Variants in JMJD1C observed in about 807,000 individuals in gnomAD.
The protein encoded by JMJD1C is jumonji domain-containing protein 1C.
A neutral mutation model predicts 245.3 loss-of-function variants in JMJD1C; 31 were observed. That is an observed-to-expected ratio of 0.13 (90% CI 0.09 to 0.17). The LOEUF is 0.17. JMJD1C is among the 10% of genes least tolerant of loss of function. The pLI, the probability that JMJD1C is intolerant of heterozygous loss-of-function variation, is 1.00. For missense variants in JMJD1C, 2,691 were observed against 3,000.2 expected (o/e 0.90, Z 2.41); for synonymous variants, 1,057 against 1,017.4 (o/e 1.04, Z -0.74).
chr10:63,505,097 G>C (rs1344179246), intron 1 of JMJD1C, among the ~76,000 whole-genome samples: 1 of 152,096 alleles, frequency 6.6e-6, no homozygotes, highest in Non-Finnish European at 1.5e-5. Context: ...CGGATCACGA[G>C]GTCAGGAGAT....
At chr10:63,178,251 TC>T (rs1843050313) in intron 22 of JMJD1C, among the ~76,000 whole-genome samples, 3 of 152,164 alleles carry the variant, frequency 2.0e-5, no homozygotes, top group African/African-American at 7.2e-5. Flanking sequence ...AGATCAGTAC[TC>T]TTAAAAAAGA....
rs747881850 is a variant in JMJD1C at position 63,465,479 on chromosome 10, G to C, written c.168+16C>G. ...GCGGGCGCGGCAGGGGAAAAGGGGG[G>C]CGCTGACTCTCTTACCGCCAGGTCC... On this transcript the variant is annotated intron_variant, in intron 1 of 25. Transcript: ENST00000399262. The C allele has an allele frequency of 2.2e-5, 35 of 1,586,150 alleles. No individual in the cohort carries two copies. The highest frequency in any genetic ancestry group is 3.0e-5 in the Non-Finnish European group (35 of 1,169,466).
chr10:63,335,445 T>A (rs933999331), intron 2 of JMJD1C, among the ~76,000 whole-genome samples: 2 of 152,224 alleles, frequency 1.3e-5, no homozygotes, highest in Non-Finnish European at 2.9e-5. Context: ...AGAAAATTGA[T>A]TCCAAATATA....
rs200305143 is a variant in JMJD1C, at chr10:63,465,645, C to T, written c.18G>A (p.Arg6=). The stretch of plus-strand genomic sequence containing the variant: ...GGAACCGCTTACCCACCAGCTCTGC[C>T]CGCGTCTCTACCGCCATAGCTGTCG... MAVET[R]AELVGKRFLC... The change falls in exon 1 of 26, where the codon CGG becomes CGA. Residue 6 remains arginine, a synonymous_variant. Coordinates refer to ENST00000399262, the MANE Select transcript of JMJD1C (RefSeq NM_032776.3). 392 of 1,609,432 alleles carry T rather than the reference C, an allele frequency of 2.4e-4. No individual in the cohort carries two copies. The highest frequency in any genetic ancestry group is 4.1e-5 in the Non-Finnish European group (48 of 1,179,882).
chr10:63,333,184 G>A (rs969671376), intron 2 of JMJD1C, among the ~76,000 whole-genome samples: 6 of 152,118 alleles, frequency 3.9e-5, no homozygotes, highest in Non-Finnish European at 8.8e-5. Flanking sequence ...TAAAAGGCAT[G>A]ATACAAAATT....
chr10:63,174,533 C>CTATAA (rs1481791609), intron 24 of JMJD1C, among the ~76,000 whole-genome samples: 3 of 151,514 alleles, frequency 2.0e-5, no homozygotes, highest in Admixed American at 2.0e-4. Context: ...AAGAGGCTGA[C>CTATAA]TATAAAAGTG....
At chr10:63,256,864 G>C (rs1156524656) in intron 3 of JMJD1C, among the ~76,000 whole-genome samples, 2 of 152,184 alleles carry the variant, frequency 1.3e-5, no homozygotes, top group Non-Finnish European at 2.9e-5. Context: ...ATGGAAAAGG[G>C]AGATGCATAT....
chr10:63,300,811 G>A (rs546870923), intron 2 of JMJD1C, among the ~76,000 whole-genome samples: 9 of 151,004 alleles, frequency 6.0e-5, no homozygotes, highest in East Asian at 3.9e-4. Context: ...AGAATCACTC[G>A]AACCCGGGAG....
Position 63,206,600 on chromosome 10 carries a change from C to G in JMJD1C, c.5069G>C (p.Ser1690Thr). ...ERSKLKLQSN[S>T]NTGIPRSVLK... ...AAACAAAGTAACTGACTTACTATTACTGTTGCTTTGCAACTTCAGTTTACT... is the reference window on the plus strand; with the variant it reads ...AAACAAAGTAACTGACTTACTATTAGTGTTGCTTTGCAACTTCAGTTTACT... Residue 1690 changes from serine to threonine, a missense_variant, in exon 10 of 26, where the codon AGT (serine) becomes ACT (threonine). This residue lies in a region of JMJD1C where 144 missense variants were observed against 143.3 expected (regional missense o/e 1.00). Coordinates refer to ENST00000399262, the MANE Select transcript of JMJD1C (RefSeq NM_032776.3). 1 of 1,586,918 alleles carries G rather than the reference C, an allele frequency of 6.3e-7. No homozygotes were observed. The highest frequency in any genetic ancestry group is 8.6e-7 in the Non-Finnish European group (1 of 1,169,524).
chr10:63,214,335 T>A lies in JMJD1C; in HGVS notation c.1832A>T (p.Asp611Val). ...AGGTGGACTTCGCTTATGCAGCTTA[T>A]CTTCCATGACAGAAACTGCACTTAA... The part of the protein sequence containing the change: ...SPLSAVSVME[D>V]KLHKRSPPPE... The change falls in exon 8 of 26, where the codon GAT (aspartate) becomes GTT (valine). Residue 611 changes from aspartate to valine, a missense_variant. Physicochemically the swap from Asp to Val is radical, Grantham distance 152. Coordinates refer to ENST00000399262, the MANE Select transcript of JMJD1C (RefSeq NM_032776.3). 1.2e-6 allele frequency: 2 copies of A among 1,614,082 alleles called. No individual in the cohort carries two copies. Among genetic ancestry groups the A allele is most frequent in the Non-Finnish European group, 8.5e-7 (1 of 1,179,980 alleles).
At chr10:63,170,026 C>T (rs1240257563) in intron 24 of JMJD1C, among the ~76,000 whole-genome samples, 2 of 152,192 alleles carry the variant, frequency 1.3e-5, no homozygotes. Context: ...TTTATCTGAA[C>T]TTAAGGAGAG....
intron 13 of JMJD1C, 35 bp from the exon 14 acceptor site, chr10:63,194,410 G>T (rs1265308112): frequency 2.3e-6 from 3 of 1,313,338 alleles, no homozygotes; most frequent in South Asian, 2.4e-5. Flanking sequence ...TCACACTCAT[G>T]GTTTCATAAT....
intron 1 of JMJD1C, among the ~76,000 whole-genome samples, chr10:63,396,916 G>C (rs1589666401): frequency 1.4e-5 from 2 of 146,972 alleles, no homozygotes; most frequent in South Asian, 4.3e-4. Context: ...CGTTCAAGAA[G>C]AACTGGTTTT....
chr10:63,468,590 G>A (rs184651788), upstream of JMJD1C, among the ~76,000 whole-genome samples: 21 of 152,252 alleles, frequency 1.4e-4, no homozygotes, highest in East Asian at 4.1e-3. Context: ...CAGGTAAAAA[G>A]AATGACAGTG....
chr10:63,177,894 G>C, intron 22 of JMJD1C, 38 bp from the exon 23 acceptor site: 1 of 1,601,842 alleles, frequency 6.2e-7, no homozygotes, highest in Non-Finnish European at 8.5e-7. Flanking sequence ...TGTCGGCAAA[G>C]AATACCAGAA....
intron 2 of JMJD1C, among the ~76,000 whole-genome samples, chr10:63,296,166 G>A (rs373368146): frequency 6.9e-6 from 1 of 145,016 alleles, no homozygotes; most frequent in African/African-American, 2.8e-5. Flanking sequence ...GCACCACCAC[G>A]CCCAGCTAAT....
intron 1 of JMJD1C, among the ~76,000 whole-genome samples, chr10:63,407,339 T>G (rs1220016598): frequency 1.3e-5 from 2 of 152,220 alleles, no homozygotes; most frequent in African/African-American, 2.4e-5. Flanking sequence ...AAAGCTGACA[T>G]AATGAAATAT....
chr10:63,488,121 G>A (rs1169022468), intron 1 of JMJD1C, among the ~76,000 whole-genome samples: 1 of 152,162 alleles, frequency 6.6e-6, no homozygotes, highest in Non-Finnish European at 1.5e-5. Context: ...TGGGGTGGGA[G>A]AAGAGACTGG....
At chr10:63,386,535 G>A (rs1947603935) in intron 1 of JMJD1C, among the ~76,000 whole-genome samples, 1 of 152,192 alleles carries the variant, frequency 6.6e-6, no homozygotes, top group Non-Finnish European at 1.5e-5. Context: ...ACATTGCTCA[G>A]GGTCTGGAGA....
Sources: allele counts gnomAD v4.1 joint callset (sites outside exome capture counted in the v4.1 genomes callset), GRCh38; gene constraint gnomAD v4.1.1; regional missense constraint gnomAD v4.1.1; transcripts MANE v1.5; gene names NCBI Gene and HGNC (gene_info 2026-07-23, HGNC 2026-07-21).